The following CDH2 variants were observed in gnomAD, a reference collection of about 807,000 sequenced individuals.
CDH2 encodes the protein cadherin 2, also known as cadherin-2.
CDH2 carries 17 observed loss-of-function variants against 92.0 expected under a neutral mutation model. The observed-to-expected ratio is 0.18, with a 90% CI of 0.13 to 0.28. The LOEUF is 0.28. Ranked by LOEUF, CDH2 falls within the 10% of genes least tolerant of loss-of-function variation. The pLI is 1.00. For synonymous variants in CDH2, 419 were observed against 415.9 expected (o/e 1.01, Z -0.09); for missense variants, 862 against 1,133.1 (o/e 0.76, Z 3.44).
At chr18:28,128,985 G>A (rs2015722342) in intron 2 of CDH2, among the ~76,000 whole-genome samples, 1 of 152,136 alleles carries the variant, frequency 6.6e-6, no homozygotes, top group African/African-American at 2.4e-5. Flanking sequence ...ACTTTCAGAT[G>A]CAACCAACAA....
At chr18:27,948,056 G>A (rs1278387335), downstream of CDH2, among the ~76,000 whole-genome samples, 1 of 149,724 alleles carries the variant, frequency 6.7e-6, no homozygotes, top group Non-Finnish European at 1.5e-5. Flanking sequence ...TGTGTATACG[G>A]TAAAGAATGC....
intron 1 of CDH2, among the ~76,000 whole-genome samples, chr18:28,170,237 T>C (rs1033801210): frequency 1.1e-4 from 16 of 152,258 alleles, no homozygotes; most frequent in African/African-American, 3.6e-4. Context: ...TTAAATCTAC[T>C]GTTTGATTGT....
chr18:28,152,588 A>G (rs2144336245), intron 1 of CDH2, among the ~76,000 whole-genome samples: 1 of 152,284 alleles, frequency 6.6e-6, no homozygotes, highest in African/African-American at 2.4e-5. Flanking sequence ...AATAACAATG[A>G]GTTCAGTGTC....
chr18:28,137,593 CA>C (rs2015884581), intron 2 of CDH2, among the ~76,000 whole-genome samples: 1 of 151,798 alleles, frequency 6.6e-6, no homozygotes, highest in South Asian at 2.1e-4. Flanking sequence ...AAAACAAAAA[CA>C]AAAACAAAAA....
At chr18:28,105,225 A>C (rs879885979) in intron 2 of CDH2, among the ~76,000 whole-genome samples, 2 of 152,188 alleles carry the variant, frequency 1.3e-5, no homozygotes, top group Non-Finnish European at 2.9e-5. Flanking sequence ...AATATTCCAT[A>C]ATCTTCCTTT....
rs1025467303 is a variant in CDH2, at chr18:27,982,884, C to T, written c.2349+60G>A. 3.7e-5 allele frequency: 43 copies of T among 1,153,982 alleles called. No individual in the cohort carries two copies. In the Admixed American group the frequency reaches 6.0e-4, roughly 16 times the overall value. 71.5% of individuals were successfully genotyped at this position (1,153,982 alleles called of 1,614,324 possible). ...TTTTCTTACTGATGTATTAACACTT[C>T]CCACTATTAAATTTATACGATCATA... On this transcript the variant is annotated intron_variant, in intron 14 of 15. Coordinates refer to ENST00000269141, the MANE Select transcript of CDH2 (RefSeq NM_001792.5).
At position 28,177,057 on chromosome 18, in the gene CDH2, AGGC is replaced by A. The variant is rs3833200; in HGVS notation, c.-38_-36del. ...GAGGGGCCGAGCGAAGAGCCGGAGG[AGGC>A]GGCGGCGGCGGCGGCGGCGGCGGAG... On this transcript the variant is annotated 5_prime_UTR_variant, in exon 1 of 16. Transcript: ENST00000269141. 1.4e-3 allele frequency: 1,813 copies of A among 1,295,806 alleles called. 2 individuals carry two copies. Among genetic ancestry groups the A allele is most frequent in the African/African-American group, 4.2e-3 (264 of 62,964 alleles). 80.3% of individuals were successfully genotyped at this position (1,295,806 alleles called of 1,614,324 possible).
intron 3 of CDH2, among the ~76,000 whole-genome samples, chr18:28,012,845 G>A (rs150704418): frequency 1.6e-4 from 25 of 151,910 alleles, no homozygotes; most frequent in African/African-American, 5.8e-4. Context: ...TTTGATTGTG[G>A]GTATGTATAT....
chr18:28,146,821 G>T (rs1274037862), intron 2 of CDH2: 1 of 152,062 alleles, frequency 6.6e-6, no homozygotes, highest in Non-Finnish European at 1.5e-5. Context: ...AACAGCCTCA[G>T]AGATATGCAA....
chr18:27,933,359 G>A (rs551855437), intron 6 of CDH2, among the ~76,000 whole-genome samples: 4 of 152,170 alleles, frequency 2.6e-5, no homozygotes, highest in African/African-American at 9.6e-5. Flanking sequence ...CGGCCTTTAT[G>A]GAAATAGGTC....
At chr18:28,011,582 G>C (rs1253759196) in intron 4 of CDH2, among the ~76,000 whole-genome samples, 2 of 152,252 alleles carry the variant, frequency 1.3e-5, no homozygotes, top group East Asian at 3.9e-4. Context: ...GTTGGCTTTA[G>C]GGCTTGTGTA....
chr18:28,141,958 A>C (rs748150238), intron 2 of CDH2, among the ~76,000 whole-genome samples: 6 of 151,818 alleles, frequency 4.0e-5, no homozygotes, highest in Non-Finnish European at 5.9e-5. Context: ...TATCCTATGC[A>C]ATGACATTTG....
At chr18:27,959,101 T>C (rs1349515034) in intron 15 of CDH2, among the ~76,000 whole-genome samples, 1 of 152,174 alleles carries the variant, frequency 6.6e-6, no homozygotes, top group Non-Finnish European at 1.5e-5. Context: ...AGGATTAGTA[T>C]TAGTAAAATT....
chr18:27,999,131 ATATT>A (rs923050666), intron 7 of CDH2, among the ~76,000 whole-genome samples: 3 of 152,200 alleles, frequency 2.0e-5, no homozygotes, highest in African/African-American at 7.2e-5. Flanking sequence ...TAGGAGAACA[ATATT>A]TAGGCAGAGG....
At chr18:28,137,745 A>G (rs191023515) in intron 2 of CDH2, among the ~76,000 whole-genome samples, 1 of 152,248 alleles carries the variant, frequency 6.6e-6, no homozygotes, top group African/African-American at 2.4e-5. Flanking sequence ...GTTCTTTAAT[A>G]AAATAAATAC....
At chr18:27,955,555 C>G (rs1381757206) in intron 15 of CDH2, among the ~76,000 whole-genome samples, 1 of 151,754 alleles carries the variant, frequency 6.6e-6, no homozygotes, top group Non-Finnish European at 1.5e-5. Flanking sequence ...TCTGGTCTTC[C>G]CTGGTGTGTT....
chr18:28,007,033 T>C (rs2144020949), intron 5 of CDH2, among the ~76,000 whole-genome samples: 1 of 150,638 alleles, frequency 6.6e-6, no homozygotes, highest in Non-Finnish European at 1.5e-5. Context: ...ATTAGCTGGG[T>C]GCCTGTAATC....
At chr18:28,112,934 T>C (rs530116658) in intron 2 of CDH2, among the ~76,000 whole-genome samples, 1 of 152,260 alleles carries the variant, frequency 6.6e-6, no homozygotes, top group South Asian at 2.1e-4. Context: ...AGGCCAAATC[T>C]GTGGACTCAA....
chr18:28,103,329 A>C (rs2015262419), intron 2 of CDH2, among the ~76,000 whole-genome samples: 1 of 133,864 alleles, frequency 7.5e-6, no homozygotes, highest in Non-Finnish European at 1.7e-5. Flanking sequence ...ATATATAAAA[A>C]CTCCTTTATA....
Sources: gnomAD v4.1 joint callset for allele counts (sites outside exome capture counted in the v4.1 genomes callset) on GRCh38, gnomAD v4.1.1 for gene constraint, MANE v1.5 for transcripts, NCBI Gene and HGNC (gene_info 2026-07-23, HGNC 2026-07-21) for gene names.